The following MYRIP variants were observed in gnomAD, a reference collection of about 807,000 sequenced individuals.
The protein encoded by MYRIP is myosin VIIA and Rab interacting protein, also known as rab effector MyRIP.
In MYRIP, 49 loss-of-function variants were observed where a neutral mutation model predicts 98.0. The observed-to-expected ratio is 0.50, with a 90% confidence interval of 0.40 to 0.63. The LOEUF (loss-of-function observed/expected upper bound fraction) is 0.63, where lower values mean the gene tolerates loss of function less well. Among genes scored for constraint, MYRIP ranks in the 30% least tolerant of loss-of-function variants. The pLI, the probability that MYRIP is intolerant of heterozygous loss-of-function variation, is 0.00. For missense variants in MYRIP, 1,004 were observed against 1,058.2 expected, an observed-to-expected ratio of 0.95 and a Z score of 0.71; for synonymous variants, 404 against 409.5, an observed-to-expected ratio of 0.99 and a Z score of 0.16.
intron 1 of MYRIP, among the ~76,000 whole-genome samples, chr3:39,844,824 T>C (rs1941910188): frequency 6.6e-6 from 1 of 152,200 alleles, no homozygotes; most frequent in Non-Finnish European, 1.5e-5. Flanking sequence ...GTAGCATCTC[T>C]ATTTATTATA....
intron 2 of MYRIP, among the ~76,000 whole-genome samples, chr3:40,003,781 C>T (rs1054870361): frequency 3.9e-5 from 6 of 152,080 alleles, no homozygotes; most frequent in South Asian, 2.1e-4. Context: ...CTTTTGTTTC[C>T]GAAAAGCTTA....
chr3:39,900,239 GT>G (rs1943711467), intron 1 of MYRIP, among the ~76,000 whole-genome samples: 1 of 152,018 alleles, frequency 6.6e-6, no homozygotes, highest in Non-Finnish European at 1.5e-5. Flanking sequence ...GATTATTTAT[GT>G]TTTTATCCTT....
At chr3:39,902,465 T>C (rs1049730441) in intron 2 of MYRIP, among the ~76,000 whole-genome samples, 3 of 152,210 alleles carry the variant, frequency 2.0e-5, no homozygotes, top group African/African-American at 7.2e-5. Flanking sequence ...TTTCCTCTAC[T>C]GAACCATTGG....
intron 12 of MYRIP, among the ~76,000 whole-genome samples, chr3:40,241,150 G>T (rs1262971588): frequency 6.6e-6 from 1 of 152,180 alleles, no homozygotes; most frequent in Non-Finnish European, 1.5e-5. Context: ...TGTATGCAGG[G>T]TTGTAAGTAA....
chr3:40,075,526 C>G (rs1434150889), intron 3 of MYRIP, among the ~76,000 whole-genome samples: 2 of 152,200 alleles, frequency 1.3e-5, no homozygotes, highest in Non-Finnish European at 2.9e-5. Flanking sequence ...GCAAGTTATT[C>G]AGCCTCTCTG....
chr3:39,836,878 G>A (rs538190386), intron 1 of MYRIP, among the ~76,000 whole-genome samples: 70 of 152,260 alleles, frequency 4.6e-4, no homozygotes, highest in South Asian at 8.3e-4. Flanking sequence ...TACTATTGGG[G>A]GCAATTTTCC....
rs1434374398 is a variant in MYRIP at position 40,200,616 on chromosome 3, T to C, written c.1666-9238T>C. On this transcript the variant is annotated intron_variant, in intron 10 of 16. Coordinates refer to ENST00000302541, the MANE Select transcript of MYRIP (RefSeq NM_015460.4). ...AAATAGCAGGGCTAACTATCAACTA[T>C]GGCTTTTACTTGTATGTAGCAATAA... is the stretch of plus-strand genomic sequence containing the variant. Among the ~76,000 whole-genome samples the C allele has an allele frequency of 2.0e-5, 3 of 152,344 alleles. No individual in the cohort carries two copies. The East Asian group carries it at 5.8e-4, about 29-fold the overall frequency.
intron 3 of MYRIP, among the ~76,000 whole-genome samples, chr3:40,095,493 C>T (rs1398572044): frequency 6.6e-6 from 1 of 152,156 alleles, no homozygotes. Context: ...GGGTCCTGAT[C>T]CTCTGCCTTC....
chr3:40,114,693 T>C (rs1949235660), intron 3 of MYRIP, among the ~76,000 whole-genome samples: 1 of 152,224 alleles, frequency 6.6e-6, no homozygotes, highest in Non-Finnish European at 1.5e-5. Flanking sequence ...ATTAACAAAG[T>C]ATTAAATTTT....
chr3:40,032,479 G>T (rs1372634038), intron 2 of MYRIP, among the ~76,000 whole-genome samples: 1 of 152,052 alleles, frequency 6.6e-6, no homozygotes, highest in Non-Finnish European at 1.5e-5. Flanking sequence ...GTGTGGTGTG[G>T]TGCTGAAAAA....
At chr3:39,979,206 A>C (rs1460320279) in intron 2 of MYRIP, among the ~76,000 whole-genome samples, 1 of 152,050 alleles carries the variant, frequency 6.6e-6, no homozygotes, top group Non-Finnish European at 1.5e-5. Flanking sequence ...GCTGGCTTTG[A>C]ACTCCTGGAC....
chr3:40,020,192 T>C (rs1417211348), intron 2 of MYRIP, among the ~76,000 whole-genome samples: 1 of 152,150 alleles, frequency 6.6e-6, no homozygotes, highest in Non-Finnish European at 1.5e-5. Flanking sequence ...GTCTTTATGC[T>C]CAGGTGTGCT....
At chr3:40,137,132 G>C (rs921516203) in intron 3 of MYRIP, among the ~76,000 whole-genome samples, 11 of 152,252 alleles carry the variant, frequency 7.2e-5, no homozygotes, top group African/African-American at 2.6e-4. Flanking sequence ...TTGATAGACT[G>C]CTAGCAAGAC....
chr3:40,132,473 C>A (rs1454664323), intron 3 of MYRIP, among the ~76,000 whole-genome samples: 3 of 152,224 alleles, frequency 2.0e-5, no homozygotes, highest in Non-Finnish European at 4.4e-5. Flanking sequence ...AAGAGCTGGA[C>A]TGTTCAGTGG....
chr3:40,165,756 T>TAA (rs3063826), intron 5 of MYRIP, among the ~76,000 whole-genome samples: 1 of 144,110 alleles, frequency 6.9e-6, no homozygotes, highest in Non-Finnish European at 1.5e-5. Flanking sequence ...TGCCATATCT[T>TAA]AAAAAAAAAA....
chr3:40,137,810 A>G (rs78107762), intron 3 of MYRIP, among the ~76,000 whole-genome samples: 3,645 of 152,266 alleles, frequency 0.024, 77 homozygotes, highest in Non-Finnish European at 0.034. Flanking sequence ...GTGAGTGAAC[A>G]ATGACTAAAT....
At chr3:40,227,410 CTA>C (rs1419694561) in intron 11 of MYRIP, among the ~76,000 whole-genome samples, 2 of 151,984 alleles carry the variant, frequency 1.3e-5, no homozygotes, top group African/African-American at 2.4e-5. Context: ...CTCTCTCCCT[CTA>C]TGTGTGTGTG....
chr3:39,814,240 C>A (rs1460129401), intron 1 of MYRIP, among the ~76,000 whole-genome samples: 1 of 152,102 alleles, frequency 6.6e-6, no homozygotes, highest in Non-Finnish European at 1.5e-5. Flanking sequence ...TGTTGGAGTT[C>A]CTTGTATTCC....
At chr3:40,253,678 C>T (rs1387165154) in intron 16 of MYRIP, among the ~76,000 whole-genome samples, 1 of 152,182 alleles carries the variant, frequency 6.6e-6, no homozygotes, top group Non-Finnish European at 1.5e-5. Context: ...AGCGCAATCC[C>T]ATTCTAGAAT....
Sources: allele counts gnomAD v4.1 joint callset (sites outside exome capture counted in the v4.1 genomes callset), GRCh38; gene constraint gnomAD v4.1.1; transcripts MANE v1.5; gene names NCBI Gene and HGNC (gene_info 2026-07-23, HGNC 2026-07-21).